The following DOP1B variants were observed in gnomAD, a reference collection of about 807,000 sequenced individuals.
The protein encoded by DOP1B is DOP1 leucine zipper like protein B, also known as protein DOP1B.
A neutral mutation model predicts 233.5 loss-of-function variants in DOP1B; 174 were observed. That is an observed-to-expected ratio of 0.75 (90% confidence interval 0.66 to 0.85). The LOEUF (loss-of-function observed/expected upper bound fraction) is 0.85. Ranked by LOEUF, DOP1B falls within the 40% of genes least tolerant of loss-of-function variation. The pLI, the probability that DOP1B is intolerant of heterozygous loss-of-function variation, is 0.00. For missense variants in DOP1B, 2,652 were observed against 2,846.6 expected, an observed-to-expected ratio of 0.93 and a Z score of 1.56; for synonymous variants, 1,190 against 1,185.6, an observed-to-expected ratio of 1.00 and a Z score of -0.08.
intron 30 of DOP1B, among the ~76,000 whole-genome samples, chr21:36,279,433 C>CAGAA (rs1002369974): frequency 1.3e-5 from 2 of 152,046 alleles, no homozygotes; most frequent in South Asian, 2.1e-4. Flanking sequence ...TCAAAATAAC[C>CAGAA]AGAAAGAAAG....
chr21:36,283,907 C>G (rs2146252288), intron 32 of DOP1B, among the ~76,000 whole-genome samples: 1 of 146,116 alleles, frequency 6.8e-6, no homozygotes. Context: ...CTTTCAGTGC[C>G]TTTTCAGTCT....
intron 10 of DOP1B, among the ~76,000 whole-genome samples, chr21:36,222,478 C>G (rs186073449): frequency 6.6e-6 from 1 of 150,736 alleles, no homozygotes; most frequent in South Asian, 2.1e-4. Context: ...CCTAGCTACT[C>G]GGGAGGCTGA....
rs78929415 is a variant in DOP1B at position 36,174,844 on chromosome 21, T to A, written c.138+9973T>A. 8.3e-4 allele frequency among the ~76,000 whole-genome samples: 126 copies of A among 152,252 alleles called. 1 individual carries two copies. The highest frequency in any genetic ancestry group is 1.4e-3 in the African/African-American group (57 of 41,522). ...CCTGCCTGAATCAACTCCTCTTCCC[T>A]GTTGACTAGTATTAGTTCACATAAA... On this transcript the variant is annotated intron_variant, in intron 2 of 36. Transcript: ENST00000691173.
In DOP1B at chr21:36,277,065, G is replaced by A. The variant is rs2067358497; in HGVS notation, c.5677G>A (p.Val1893Met). ...AATGGTGTCTTCATCCGCCCCGTCG[G>A]TGTACAGCGTGCAAGCCCTCTCTCT... ...SAMVSSSAPSVYSVQALSLLA... is the reference protein window; with the variant it reads ...SAMVSSSAPSMYSVQALSLLA... The change falls in exon 28 of 37, where the codon GTG becomes ATG. Residue 1893 changes from valine (V) to methionine (M), a missense_variant. Val to Met is a conservative substitution (Grantham distance 21, BLOSUM62 1). Around this residue, in one of 3 missense-constraint regions of DOP1B, gnomAD observed 2,617 missense variants for 2,794.3 expected, o/e 0.94. Coordinates refer to ENST00000691173, the MANE Select transcript of DOP1B (RefSeq NM_001320714.2). 2 of 1,614,122 alleles carry A rather than the reference G, an allele frequency of 1.2e-6. No individual in the cohort carries two copies. The highest frequency in any genetic ancestry group is 1.3e-5 in the African/African-American group (1 of 75,054).
At chr21:36,176,268 G>C (rs975221452) in intron 2 of DOP1B, among the ~76,000 whole-genome samples, 1 of 152,066 alleles carries the variant, frequency 6.6e-6, no homozygotes, top group Non-Finnish European at 1.5e-5. Context: ...GCTGGGGGTG[G>C]CCCTTTCAGC....
At chr21:36,158,109 T>C (rs769682986) in intron 1 of DOP1B, among the ~76,000 whole-genome samples, 1 of 152,122 alleles carries the variant, frequency 6.6e-6, no homozygotes, top group Non-Finnish European at 1.5e-5. Context: ...CTGAATTTGA[T>C]TTTCTATGAA....
At chr21:36,247,469 C>A in intron 19 of DOP1B, 48 bp from the exon 20 acceptor site, 1 of 1,406,290 alleles carries the variant, frequency 7.1e-7, no homozygotes, top group Non-Finnish European at 9.8e-7. Context: ...CCCTTATGGC[C>A]TCATTCTTTA....
At chr21:36,251,013 C>T (rs1039707643) in intron 21 of DOP1B, 149 bp from the exon 22 acceptor site, 5 of 1,070,670 alleles carry the variant, frequency 4.7e-6, no homozygotes, top group Non-Finnish European at 6.5e-6. Context: ...TTGCTGGGAT[C>T]CACCCATCAG....
intron 2 of DOP1B, among the ~76,000 whole-genome samples, chr21:36,179,963 C>G (rs77918509): frequency 0.042 from 6,375 of 152,152 alleles, 193 homozygotes; most frequent in Non-Finnish European, 0.057. Flanking sequence ...TGCTGGCCTG[C>G]CTTTGCCCCT....
intron 10 of DOP1B, among the ~76,000 whole-genome samples, chr21:36,222,270 TCCTG>T (rs1450524911): frequency 4.6e-5 from 7 of 152,030 alleles, no homozygotes; most frequent in African/African-American, 9.7e-5. Flanking sequence ...TGAATAAATT[TCCTG>T]AGCCATAGAA....
At chr21:36,268,092 CCA>C (rs2067250867) in intron 26 of DOP1B, among the ~76,000 whole-genome samples, 1 of 152,082 alleles carries the variant, frequency 6.6e-6, no homozygotes, top group South Asian at 2.1e-4. Context: ...ACCGGTCTGA[CCA>C]CAGATTTACC....
At chr21:36,195,340 C>CAAA (rs60003046) in intron 2 of DOP1B, among the ~76,000 whole-genome samples, 38 of 84,050 alleles carry the variant, frequency 4.5e-4, no homozygotes, top group African/African-American at 9.3e-4. Flanking sequence ...GACTCTGGCT[C>CAAA]AAAAAAAAAA....
chr21:36,175,885 T>A (rs2066018171), intron 2 of DOP1B: 1 of 151,284 alleles, frequency 6.6e-6, no homozygotes, highest in Non-Finnish European at 1.5e-5. Flanking sequence ...GCCATAGGAG[T>A]TTGAGAGGGA....
chr21:36,180,628 C>G lies in DOP1B; in HGVS notation c.138+15757C>G, dbSNP rs189395594. Among the ~76,000 whole-genome samples the G allele has an allele frequency of 1.8e-4, 28 of 152,092 alleles. No individual in the cohort carries two copies. In the East Asian group the frequency reaches 5.0e-3, roughly 27 times the overall value. ...GGGCACAGTGGCTCATGCCTGTAAT[C>G]CCAGCATACTGGGAGGCCGAGGCGG... On this transcript the variant is annotated intron_variant, in intron 2 of 36. Coordinates refer to ENST00000691173, the MANE Select transcript of DOP1B (RefSeq NM_001320714.2).
intron 12 of DOP1B, 55 bp downstream of exon 12, chr21:36,225,722 G>A (rs1264372914): frequency 1.3e-6 from 2 of 1,557,680 alleles, no homozygotes; most frequent in Admixed American, 3.5e-5. Context: ...ATTCTTACTG[G>A]TGGTGATGGC....
At chr21:36,270,210 C>T (rs1410711496) in intron 27 of DOP1B, 53 bp downstream of exon 27, 2 of 1,579,316 alleles carry the variant, frequency 1.3e-6, no homozygotes, top group African/African-American at 1.4e-5. Flanking sequence ...GTGGTTCTGG[C>T]TTTTCCTTAA....
intron 33 of DOP1B, 50 bp from the exon 34 acceptor site, chr21:36,288,706 G>T: frequency 7.5e-7 from 1 of 1,338,452 alleles, no homozygotes; most frequent in South Asian, 1.3e-5. Context: ...AAAATATTTG[G>T]GTAGATTTAA....
At chr21:36,221,519 C>G (rs75581319) in intron 10 of DOP1B, among the ~76,000 whole-genome samples, 1,541 of 151,874 alleles carry the variant, frequency 0.01, 12 homozygotes, top group Non-Finnish European at 0.017. Flanking sequence ...AATAATAAAT[C>G]CTGACTGACC....
chr21:36,255,901 C>T (rs1242232705), intron 23 of DOP1B, among the ~76,000 whole-genome samples: 1 of 152,062 alleles, frequency 6.6e-6, no homozygotes, highest in Non-Finnish European at 1.5e-5. Flanking sequence ...ATTACAGCAG[C>T]CTGGAGGGCC....
Sources: allele counts gnomAD v4.1 joint callset (sites outside exome capture counted in the v4.1 genomes callset), GRCh38; gene constraint gnomAD v4.1.1; regional missense constraint gnomAD v4.1.1; transcripts MANE v1.5; gene names NCBI Gene and HGNC (gene_info 2026-07-23, HGNC 2026-07-21).